MCPH1: variants seen among roughly 807,000 people sequenced by gnomAD.
MCPH1 encodes microcephalin 1.
Under a neutral mutation model 84.5 loss-of-function variants are expected in MCPH1, and 104 were observed. The observed-to-expected ratio is 1.23, with a 90% CI of 1.05 to 1.45. The LOEUF (loss-of-function observed/expected upper bound fraction) is 1.45, where lower values mean the gene tolerates loss of function less well. Ranked by LOEUF, MCPH1 falls within the 40% of genes most tolerant of loss-of-function variation. The pLI is 0.00. For synonymous variants in MCPH1, 514 were observed against 366.8 expected, an observed-to-expected ratio of 1.40 and a Z score of -4.58; for missense variants, 1,498 against 1,005.7, an observed-to-expected ratio of 1.49 and a Z score of -6.62.
At chr8:6,447,940 A>G (rs1418573804) in intron 8 of MCPH1, among the ~76,000 whole-genome samples, 5 of 152,104 alleles carry the variant, frequency 3.3e-5, no homozygotes, top group South Asian at 4.1e-4. Flanking sequence ...ACACAGATAC[A>G]TTCCCATTGT....
chr8:6,584,320 C>T (rs1827806007), intron 12 of MCPH1, among the ~76,000 whole-genome samples: 1 of 152,186 alleles, frequency 6.6e-6, no homozygotes, highest in Non-Finnish European at 1.5e-5. Flanking sequence ...ATTCATATCA[C>T]AGTCTAGGGT....
chr8:6,484,744 C>T (rs548276802), intron 11 of MCPH1, among the ~76,000 whole-genome samples: 1 of 152,282 alleles, frequency 6.6e-6, no homozygotes, highest in African/African-American at 2.4e-5. Flanking sequence ...GGCATCATGC[C>T]AAGTTGAATA....
At chr8:6,623,718 A>AC (rs1831747803) in intron 13 of MCPH1, among the ~76,000 whole-genome samples, 1 of 5,606 alleles carries the variant, frequency 1.8e-4, no homozygotes, top group Non-Finnish European at 4.5e-4. Context: ...AAAAAAAAAA[A>AC]CTATTGATTT....
Position 6,444,439 on chromosome 8 carries a change from T to C in MCPH1, c.717T>C (p.Cys239=). The change falls in exon 8 of 14, where the codon TGT becomes TGC. Residue 239 remains cysteine, a synonymous_variant. Transcript: ENST00000344683. ...GGLHSSFDDL[C]GNSGCGNQER... ...TACACTCATCTTTTGATGATCTTTGTGGAAACTCAGGATGTGGAAATCAGG... is the reference window on the plus strand; with the variant it reads ...TACACTCATCTTTTGATGATCTTTGCGGAAACTCAGGATGTGGAAATCAGG... The C allele has an allele frequency of 6.2e-7, 1 of 1,614,168 alleles. No homozygotes were observed. The highest frequency in any genetic ancestry group is 1.1e-5 in the South Asian group (1 of 91,074).
chr8:6,408,076 A>C (rs940799574), intron 1 of MCPH1, among the ~76,000 whole-genome samples: 2 of 152,250 alleles, frequency 1.3e-5, no homozygotes, highest in African/African-American at 4.8e-5. Context: ...GTCTCTTTAC[A>C]GAAAATAGGT....
At chr8:6,563,273 A>C in intron 12 of MCPH1, 1 of 184,056 alleles carries the variant, frequency 5.4e-6, no homozygotes, top group Non-Finnish European at 1.2e-5. Flanking sequence ...TCCTTTCCTT[A>C]TATGATAAGT....
chr8:6,412,513 T>C (rs1798679876), intron 2 of MCPH1, among the ~76,000 whole-genome samples: 1 of 152,208 alleles, frequency 6.6e-6, no homozygotes, highest in African/African-American at 2.4e-5. Flanking sequence ...AATTTCAGGA[T>C]TTGAGATGAT....
chr8:6,470,819 G>A (rs1002152835), intron 9 of MCPH1, among the ~76,000 whole-genome samples: 3 of 152,204 alleles, frequency 2.0e-5, no homozygotes, highest in Non-Finnish European at 4.4e-5. Context: ...ATGTAAAGAG[G>A]GTTGTTAAAC....
intron 12 of MCPH1, chr8:6,527,731 C>G (rs1483680812): frequency 5.7e-5 from 85 of 1,483,168 alleles, no homozygotes; most frequent in Non-Finnish European, 7.6e-5. Context: ...GTTTAACTTT[C>G]TAACTTCCTT....
chr8:6,453,773 G>A (rs924448663), intron 8 of MCPH1, among the ~76,000 whole-genome samples: 1 of 152,138 alleles, frequency 6.6e-6, no homozygotes, highest in African/African-American at 2.4e-5. Flanking sequence ...GATAAAGTGG[G>A]CCTGGGAGAA....
chr8:6,618,802 AAG>A (rs1029945862), intron 12 of MCPH1: 13 of 152,166 alleles, frequency 8.5e-5, no homozygotes, highest in Admixed American at 2.6e-4. Flanking sequence ...CTGACATGAA[AAG>A]AACAAAATAA....
At chr8:6,445,884 C>T (rs896034631) in intron 8 of MCPH1, 16 of 1,048,850 alleles carry the variant, frequency 1.5e-5, no homozygotes, top group Non-Finnish European at 1.6e-5. Context: ...GGCGCTGCAG[C>T]GTGTGTAAAG....
intron 12 of MCPH1, chr8:6,514,591 G>A (rs2916735): frequency 0.3 from 350,299 of 1,165,666 alleles, 58,021 homozygotes; most frequent in Middle Eastern, 0.37. Flanking sequence ...TGGTTAGTTT[G>A]GGATTGGTGG....
chr8:6,477,797 A>C (rs1216525317), intron 10 of MCPH1, among the ~76,000 whole-genome samples, 166 bp downstream of exon 10: 1 of 152,258 alleles, frequency 6.6e-6, no homozygotes, highest in Non-Finnish European at 1.5e-5. Context: ...ACATGTACCA[A>C]ATGTGAGCGA....
At chr8:6,563,003 GC>G in intron 12 of MCPH1, 1 of 1,498,476 alleles carries the variant, frequency 6.7e-7, no homozygotes, top group East Asian at 2.3e-5. Flanking sequence ...GTCCCGAGCT[GC>G]TGCCGTCTAA....
intron 3 of MCPH1, among the ~76,000 whole-genome samples, chr8:6,421,237 G>C (rs781676232): frequency 6.2e-4 from 94 of 152,146 alleles, no homozygotes; most frequent in Admixed American, 1.4e-3. Flanking sequence ...TAGCACAACA[G>C]GTGTGGACTG....
At chr8:6,452,152 C>T (rs1184467010) in intron 8 of MCPH1, among the ~76,000 whole-genome samples, 28 of 152,166 alleles carry the variant, frequency 1.8e-4, no homozygotes, top group Admixed American at 1.8e-3. Flanking sequence ...TACTGTCTTG[C>T]CCTGGATCTG....
At chr8:6,420,452 C>T (rs1006954223) in intron 3 of MCPH1, among the ~76,000 whole-genome samples, 49 of 152,110 alleles carry the variant, frequency 3.2e-4, no homozygotes, top group African/African-American at 1.1e-3. Context: ...TCTGAATTTG[C>T]GCTGTTATCT....
intron 13 of MCPH1, among the ~76,000 whole-genome samples, chr8:6,627,689 G>A (rs1457296317): frequency 3.9e-5 from 6 of 152,068 alleles, no homozygotes; most frequent in Admixed American, 6.5e-5. Flanking sequence ...CCAGCAGCTC[G>A]AGTCCAGCCT....
Sources: gnomAD v4.1 joint callset for allele counts (sites outside exome capture counted in the v4.1 genomes callset) on GRCh38, gnomAD v4.1.1 for gene constraint, MANE v1.5 for transcripts, NCBI Gene and HGNC (gene_info 2026-07-23, HGNC 2026-07-21) for gene names.